DNAH6: variants seen among roughly 807,000 people sequenced by gnomAD.
DNAH6 encodes the protein axonemal beta dynein heavy chain 6.
A neutral mutation model predicts 491.4 loss-of-function variants in DNAH6; 340 were observed. That is an observed-to-expected ratio of 0.69 (90% CI 0.63 to 0.76). The LOEUF (loss-of-function observed/expected upper bound fraction) is 0.76. DNAH6 is among the 30% of genes least tolerant of loss of function. The pLI, the probability that DNAH6 is intolerant of heterozygous loss-of-function variation, is 0.00. For missense variants in DNAH6, 4,443 were observed against 4,972.2 expected (o/e 0.89, Z 3.20); for synonymous variants, 1,603 against 1,686.1 (o/e 0.95, Z 1.21).
the DNAH6 span, among the ~76,000 whole-genome samples, chr2:84,466,114 C>T: frequency 6.6e-6 from 1 of 152,190 alleles, no homozygotes; most frequent in Non-Finnish European, 1.5e-5. Flanking sequence ...TAACCTGGGG[C>T]TCCTGGACCT....
chr2:84,584,456 AATT>A, intron 15 of DNAH6: 1 of 548,460 alleles, frequency 1.8e-6, no homozygotes, highest in South Asian at 2.3e-5. Context: ...TGGTGAGAAT[AATT>A]AAGACTACTC....
At chr2:84,466,354 ATTCT>A in the DNAH6 span, among the ~76,000 whole-genome samples, 1 of 152,244 alleles carries the variant, frequency 6.6e-6, no homozygotes, top group African/African-American at 2.4e-5. Context: ...AAGAAAACAG[ATTCT>A]TATTGCACTT....
chr2:84,745,181 G>T lies in DNAH6; in HGVS notation c.10444G>T (p.Asp3482Tyr), dbSNP rs1467089918. The T allele has an allele frequency of 1.3e-6, 2 of 1,549,774 alleles. No individual in the cohort carries two copies. Among genetic ancestry groups the T allele is most frequent in the Admixed American group, 2.0e-5 (1 of 50,610 alleles). ...MRQEKEAAHQ[D>Y]PWSAGLSSFH... Reference sequence around the variant, plus strand: ...ACAGGAAAAGGAGGCAGCACACCAAGATCCATGGAGTGCAGGATTGAGTTC... The same window carrying T: ...ACAGGAAAAGGAGGCAGCACACCAATATCCATGGAGTGCAGGATTGAGTTC... Residue 3482 changes from aspartate (D) to tyrosine (Y), a missense_variant, in exon 63 of 77, where the codon GAT (aspartate) becomes TAT (tyrosine). Asp to Tyr is a radical substitution (Grantham distance 160, BLOSUM62 -3). Coordinates refer to ENST00000389394, the MANE Select transcript of DNAH6 (RefSeq NM_001370.2).
In DNAH6 at chr2:84,545,337, C is replaced by T. The variant is rs568788891; in HGVS notation, c.930+837C>T. On this transcript the variant is annotated intron_variant, in intron 5 of 76. Transcript: ENST00000389394. Reference sequence around the variant, plus strand: ...ATCTCAAGTCATCCATTCCATTGTGCATTCTGAGTTGTGAAAAAATATTCC... The same window carrying T: ...ATCTCAAGTCATCCATTCCATTGTGTATTCTGAGTTGTGAAAAAATATTCC... Among the ~76,000 whole-genome samples the T allele has an allele frequency of 2.7e-4, 41 of 152,204 alleles. No homozygotes were observed. In the East Asian group the frequency reaches 3.5e-3, roughly 13 times the overall value.
chr2:84,546,508 G>C (rs1205002200), intron 5 of DNAH6, among the ~76,000 whole-genome samples: 1 of 152,136 alleles, frequency 6.6e-6, no homozygotes, highest in Non-Finnish European at 1.5e-5. Flanking sequence ...GGATACAGAA[G>C]GACTGTATGT....
Position 84,619,794 on chromosome 2 carries a change from G to A in DNAH6, c.3682G>A (p.Glu1228Lys), listed in dbSNP as rs750343141. Residue 1228 changes from glutamate to lysine, a missense_variant, in exon 24 of 77, where the codon GAA (glutamate) becomes AAA (lysine). By Grantham distance (56) the Glu-to-Lys change is moderately conservative. Around this residue, in one of 3 missense-constraint regions of DNAH6, gnomAD observed 2,977 missense variants for 3,296.6 expected, o/e 0.90. Transcript: ENST00000389394. Reference protein sequence around the residue: ...RKCFDSISKLEFALMPPAEGK... With the variant: ...RKCFDSISKLKFALMPPAEGK... The stretch of plus-strand genomic sequence containing the variant: ...ATGCTTCGACTCCATTTCAAAGCTC[G>A]AATTTGCTCTCATGCCTCCTGCCGA... 4.1e-5 allele frequency: 64 copies of A among 1,551,456 alleles called. No individual in the cohort carries two copies. The highest frequency in any genetic ancestry group is 1.7e-4 in the Middle Eastern group (1 of 6,012).
chr2:84,642,959 A>G (rs6704597), intron 33 of DNAH6, among the ~76,000 whole-genome samples: 28,694 of 152,116 alleles, frequency 0.19, 5,280 homozygotes, highest in African/African-American at 0.48. Flanking sequence ...CAATTATGCC[A>G]TGCTCTTCCA....
At chr2:84,595,922 T>C (rs1366109348) in intron 18 of DNAH6, 133 bp downstream of exon 18, 6 of 1,055,944 alleles carry the variant, frequency 5.7e-6, no homozygotes, top group Non-Finnish European at 7.8e-6. Context: ...ATAGTCAAAT[T>C]CATTTTTTTG....
chr2:84,807,217 G>A (rs1216317723), intron 71 of DNAH6, among the ~76,000 whole-genome samples: 10 of 152,204 alleles, frequency 6.6e-5, no homozygotes, highest in East Asian at 1.9e-4. Context: ...ACAGCACAGC[G>A]GACCCAAGAG....
chr2:84,585,008 A>C (rs114525471), intron 15 of DNAH6, among the ~76,000 whole-genome samples: 1 of 152,362 alleles, frequency 6.6e-6, no homozygotes, highest in African/African-American at 2.4e-5. Context: ...ACTCAAAAGA[A>C]TATAATACAG....
intron 40 of DNAH6, among the ~76,000 whole-genome samples, chr2:84,674,697 G>T (rs986418918): frequency 2.0e-5 from 3 of 152,044 alleles, no homozygotes; most frequent in African/African-American, 7.3e-5. Flanking sequence ...TCCCAACAAC[G>T]CAGTGAGGAG....
chr2:84,483,158 C>T, the DNAH6 span, among the ~76,000 whole-genome samples: 1 of 151,870 alleles, frequency 6.6e-6, no homozygotes, highest in Non-Finnish European at 1.5e-5. Flanking sequence ...GATACGGGGT[C>T]TCACTATGTT....
At chr2:84,777,698 C>T in intron 64 of DNAH6, 2 of 818,166 alleles carry the variant, frequency 2.4e-6, no homozygotes. Context: ...CCCATGACAG[C>T]TTAATGGGTG....
chr2:84,707,809 C>T (rs1344197120), intron 54 of DNAH6, 93 bp downstream of exon 54: 9 of 914,590 alleles, frequency 9.8e-6, no homozygotes, highest in Non-Finnish European at 1.5e-5. Flanking sequence ...TGGAGGCTCT[C>T]CACTGTAGAG....
At chr2:84,750,195 T>G (rs1265799436) in intron 63 of DNAH6, among the ~76,000 whole-genome samples, 1 of 149,136 alleles carries the variant, frequency 6.7e-6, no homozygotes. Flanking sequence ...GTTTGGTTTT[T>G]TTTTTTTTTT....
chr2:84,639,894 A>G (rs992430929), intron 31 of DNAH6, among the ~76,000 whole-genome samples: 1 of 152,236 alleles, frequency 6.6e-6, no homozygotes, highest in African/African-American at 2.4e-5. Flanking sequence ...GTCCGCTTCC[A>G]GCTCCACTGT....
intron 11 of DNAH6, among the ~76,000 whole-genome samples, chr2:84,572,206 T>G (rs564616563): frequency 6.6e-6 from 1 of 152,294 alleles, no homozygotes; most frequent in South Asian, 2.1e-4. Flanking sequence ...GTCTGTAACT[T>G]TCTCCCAAAT....
chr2:84,767,077 A>G (rs1250476505), intron 64 of DNAH6, among the ~76,000 whole-genome samples: 2 of 152,212 alleles, frequency 1.3e-5, no homozygotes, highest in Non-Finnish European at 2.9e-5. Context: ...CTACATGTTT[A>G]AAAACCAAGA....
chr2:84,788,789 G>A (rs1050478195), intron 68 of DNAH6, among the ~76,000 whole-genome samples: 4 of 152,166 alleles, frequency 2.6e-5, no homozygotes, highest in Non-Finnish European at 5.9e-5. Context: ...TCAAAAAGTT[G>A]CGCTGAAGAA....
Sources: gnomAD v4.1 joint callset for allele counts (sites outside exome capture counted in the v4.1 genomes callset) on GRCh38, gnomAD v4.1.1 for gene constraint, gnomAD v4.1.1 regional missense constraint, MANE v1.5 for transcripts, NCBI Gene and HGNC (gene_info 2026-07-23, HGNC 2026-07-21) for gene names.